Variants in UBN1 observed in about 807,000 individuals in gnomAD.
UBN1 encodes ubinuclein 1.
A neutral mutation model predicts 108.5 loss-of-function variants in UBN1; 17 were observed. The ratio of observed to expected loss-of-function variants is 0.16; its 90% CI spans 0.11 to 0.24. The LOEUF (loss-of-function observed/expected upper bound fraction) is 0.24, where lower values mean the gene tolerates loss of function less well. Ranked by LOEUF, UBN1 falls within the 10% of genes least tolerant of loss-of-function variation. The pLI is 1.00. For missense variants in UBN1, 1,595 were observed against 1,394.4 expected, an observed-to-expected ratio of 1.14 and a Z score of -2.29; for synonymous variants, 726 against 564.2, an observed-to-expected ratio of 1.29 and a Z score of -4.07.
intron 12 of UBN1, among the ~76,000 whole-genome samples, chr16:4,871,567 T>C (rs2087633165): frequency 6.8e-6 from 1 of 146,262 alleles, no homozygotes; most frequent in Non-Finnish European, 1.5e-5. Context: ...CATCTCAATA[T>C]GCACTTTCCT....
At position 4,868,912 on chromosome 16, in the gene UBN1, CGTCT is replaced by C. The variant is rs142352299; in HGVS notation, c.1181+32_1181+35del. ...AATGGAATCCTATTAGAGTGAGTATCGTCTGTCTGTCTGTCTGTCTGTCTGTTTC... is the reference window on the plus strand; with the variant it reads ...AATGGAATCCTATTAGAGTGAGTATCGTCTGTCTGTCTGTCTGTCTGTTTC... On this transcript the variant is annotated intron_variant, in intron 8 of 17. Coordinates refer to ENST00000262376, the MANE Select transcript of UBN1 (RefSeq NM_001079514.3). The C allele has an allele frequency of 2.2e-4, 359 of 1,607,886 alleles. No homozygotes were observed. The highest frequency in any genetic ancestry group is 1.2e-3 in the South Asian group (109 of 90,392).
At chr16:4,868,593 T>C (rs1341015727) in intron 7 of UBN1, among the ~76,000 whole-genome samples, 1 of 152,216 alleles carries the variant, frequency 6.6e-6, no homozygotes, top group Non-Finnish European at 1.5e-5. Flanking sequence ...GATTTTCTTT[T>C]CTGTGACTGT....
chr16:4,874,699 G>A lies in UBN1; in HGVS notation c.2289G>A (p.Leu763=), dbSNP rs760536712. 1.2e-6 allele frequency: 2 copies of A among 1,614,162 alleles called. No homozygotes were observed. Among genetic ancestry groups the A allele is most frequent in the South Asian group, 2.2e-5 (2 of 91,080 alleles). Reference sequence around the variant, plus strand: ...CAGAGAGTTCTGGCTACAAAGAGCTGTCCTGCCAGGCTCCCCTCAATAAGG... The same window carrying A: ...CAGAGAGTTCTGGCTACAAAGAGCTATCCTGCCAGGCTCCCCTCAATAAGG... ...KKPESSGYKE[L]SCQAPLNKGL... The change falls in exon 15 of 18, where the codon CTG becomes CTA. Residue 763 remains leucine (L), a synonymous_variant. Coordinates refer to ENST00000262376, the MANE Select transcript of UBN1 (RefSeq NM_001079514.3).
chr16:4,853,374 T>C (rs925683166), intron 2 of UBN1, among the ~76,000 whole-genome samples: 5 of 152,186 alleles, frequency 3.3e-5, no homozygotes, highest in Admixed American at 1.3e-4. Context: ...CTAATTAACA[T>C]AAATTTTAAA....
Position 4,870,848 on chromosome 16 carries a change from C to T in UBN1, c.1435C>T (p.Leu479=). ...AHTQAKVAKM[L]EEEKDKEQRD... is the part of the protein sequence containing the mutation. ...GTAATTCTATTCACCCCGTAGGATGCTGGAAGAGGAGAAAGACAAGGAGCA... is the reference window on the plus strand; with the variant it reads ...GTAATTCTATTCACCCCGTAGGATGTTGGAAGAGGAGAAAGACAAGGAGCA... The change falls in exon 11 of 18, where the codon CTG becomes TTG. Residue 479 remains leucine (L), a synonymous_variant. Transcript: ENST00000262376. 6.2e-7 allele frequency: 1 copy of T among 1,613,740 alleles called. No individual in the cohort carries two copies. The highest frequency in any genetic ancestry group is 8.5e-7 in the Non-Finnish European group (1 of 1,179,858).
At chr16:4,879,380 AGTG>A (rs2088010817) in intron 17 of UBN1, among the ~76,000 whole-genome samples, 1 of 151,942 alleles carries the variant, frequency 6.6e-6, no homozygotes, top group Non-Finnish European at 1.5e-5. Context: ...CAGAGGGTAT[AGTG>A]TGCTGTGATC....
intron 4 of UBN1, 113 bp downstream of exon 4, chr16:4,858,776 A>T (rs775399742): frequency 1.9e-5 from 20 of 1,053,708 alleles, no homozygotes; most frequent in Non-Finnish European, 2.6e-5. Context: ...TCCCAGCATG[A>T]GGCAGTAGCA....
chr16:4,870,766 T>G, intron 10 of UBN1, 78 bp from the exon 11 acceptor site: 2 of 1,600,014 alleles, frequency 1.2e-6, no homozygotes, highest in South Asian at 1.1e-5. Flanking sequence ...CTCTGTGAAG[T>G]CCCAGTAGTG....
At chr16:4,852,412 T>C (rs1019859401) in intron 1 of UBN1, 2 of 155,066 alleles carry the variant, frequency 1.3e-5, no homozygotes, top group African/African-American at 4.8e-5. Context: ...GGTTCTTTAC[T>C]ATCCTGGGGT....
At position 4,874,418 on chromosome 16, in the gene UBN1, G is replaced by C; in HGVS notation, c.2008G>C (p.Ala670Pro). 1 of 1,614,066 alleles carries C rather than the reference G, an allele frequency of 6.2e-7. No homozygotes were observed. ...GGATGAAGACTTGATCCGCAATCCA[G>C]CCTCCTCGGTGGAAGCCGTGTCCAA... ...SLDEDLIRNP[A>P]SSVEAVSKEL... The change falls in exon 15 of 18, where the codon GCC becomes CCC. Residue 670 changes from alanine to proline, a missense_variant. Coordinates refer to ENST00000262376, the MANE Select transcript of UBN1 (RefSeq NM_001079514.3).
At chr16:4,864,424 T>A (rs1483454398) in intron 7 of UBN1, among the ~76,000 whole-genome samples, 1 of 152,238 alleles carries the variant, frequency 6.6e-6, no homozygotes, top group Non-Finnish European at 1.5e-5. Context: ...AAAGAGGTCC[T>A]CTGAGAGGGA....
intron 8 of UBN1, among the ~76,000 whole-genome samples, chr16:4,869,839 A>G (rs921173037): frequency 6.6e-6 from 1 of 151,680 alleles, no homozygotes; most frequent in African/African-American, 2.4e-5. Flanking sequence ...GACTGGGGGA[A>G]AAAAAAGAAA....
intron 5 of UBN1, 63 bp from the exon 6 acceptor site, chr16:4,859,802 G>C: frequency 1.9e-6 from 3 of 1,606,290 alleles, no homozygotes; most frequent in South Asian, 1.1e-5. Context: ...GGCCAGTGCC[G>C]TGTAGTGCAC....
Position 4,875,034 on chromosome 16 carries a change from C to T in UBN1, c.2624C>T (p.Thr875Ile). The part of the protein sequence containing the change: ...LSASSSSSHK[T>I]PASSSSALSH... ...GCCTCCAGCAGCAGCTCTCACAAGA[C>T]CCCAGCCTCGTCCTCTTCTGCCCTG... The change falls in exon 15 of 18, where the codon ACC (threonine) becomes ATC (isoleucine). Residue 875 changes from threonine (T) to isoleucine (I), a missense_variant. This residue lies in a region of UBN1 where 1,398 missense variants were observed against 1,194.7 expected (regional missense o/e 1.17). Transcript: ENST00000262376. 2 of 1,614,030 alleles carry T rather than the reference C, an allele frequency of 1.2e-6. No individual in the cohort carries two copies. Among genetic ancestry groups the T allele is most frequent in the Admixed American group, 1.7e-5 (1 of 60,032 alleles).
rs2087961001 is a variant in UBN1 at position 4,877,855 on chromosome 16, C to T, written c.3355+381C>T. On this transcript the variant is annotated intron_variant, in intron 17 of 17. Transcript: ENST00000262376. The surrounding 1 kb of genome is among the most constrained non-coding windows in gnomAD (Gnocchi z 4.3). ...ATCTTCTCCAAGGGCTAATTGGGTA[C>T]AACAAGGTCTTGGAATGCAAGCTGC... The T allele has an allele frequency of 2.0e-6, 2 of 997,984 alleles. No individual in the cohort carries two copies. Among genetic ancestry groups the T allele is most frequent in the Non-Finnish European group, 2.4e-6 (2 of 838,900 alleles). 61.8% of individuals were successfully genotyped at this position (997,984 alleles called of 1,614,324 possible). A position where few individuals can be genotyped will look rare whatever the true frequency, so the allele number is the denominator to read the frequency against.
chr16:4,851,674 G>A lies in UBN1; in HGVS notation c.-39-1205G>A, dbSNP rs914567495. Among the ~76,000 whole-genome samples the A allele has an allele frequency of 5.9e-5, 9 of 151,984 alleles. 1 individual carries two copies. Among genetic ancestry groups the A allele is most frequent in the Non-Finnish European group, 8.8e-5 (6 of 67,992 alleles). Reference sequence around the variant, plus strand: ...TCTCTACAAAAAATAGAAAAAATTAGCCAGGCATGGTGGGATATACCTGTA... The same window carrying A: ...TCTCTACAAAAAATAGAAAAAATTAACCAGGCATGGTGGGATATACCTGTA... On this transcript the variant is annotated intron_variant, in intron 1 of 17. Transcript: ENST00000262376.
At chr16:4,872,191 G>A in intron 12 of UBN1, 15 of 985,294 alleles carry the variant, frequency 1.5e-5, no homozygotes, top group Non-Finnish European at 1.8e-5. Context: ...TACGTAGGCT[G>A]GACTCATACG....
intron 17 of UBN1, among the ~76,000 whole-genome samples, chr16:4,878,445 G>A (rs1294276712): frequency 6.6e-6 from 1 of 152,204 alleles, no homozygotes; most frequent in Non-Finnish European, 1.5e-5. Context: ...ATGATGTGCT[G>A]TGGCTCCCTG....
rs150939350 is a variant in UBN1, at chr16:4,870,250, G to A, written c.1220G>A (p.Arg407His). ...ACTCGGGAGCTGAGCAGTCAGGTCCGCTCTGGGGTGTATGCCTATCTTGCG... is the reference window on the plus strand; with the variant it reads ...ACTCGGGAGCTGAGCAGTCAGGTCCACTCTGGGGTGTATGCCTATCTTGCG... The part of the protein sequence containing the change: ...AQTRELSSQV[R>H]SGVYAYLASF... Residue 407 changes from arginine (R) to histidine (H), a missense_variant, in exon 9 of 18, where the codon CGC becomes CAC. Physicochemically the swap from Arg to His is conservative, Grantham distance 29. Around this residue, in one of 3 missense-constraint regions of UBN1, gnomAD observed 1,398 missense variants for 1,194.7 expected, o/e 1.17. Transcript: ENST00000262376. The A allele has an allele frequency of 2.1e-4, 335 of 1,614,132 alleles. No homozygotes were observed. Among genetic ancestry groups the A allele is most frequent in the Non-Finnish European group, 2.6e-4 (303 of 1,180,048 alleles).
Sources: allele counts gnomAD v4.1 joint callset (sites outside exome capture counted in the v4.1 genomes callset), GRCh38; gene constraint gnomAD v4.1.1; regional missense constraint gnomAD v4.1.1; non-coding constraint Gnocchi (gnomAD v3.1); transcripts MANE v1.5; gene names NCBI Gene and HGNC (gene_info 2026-07-23, HGNC 2026-07-21).